Variants in CSMD1 observed in about 807,000 individuals in gnomAD.
CSMD1 encodes CUB and sushi domain-containing protein 1.
In CSMD1, 213 loss-of-function variants were observed where a neutral mutation model predicts 417.5. The ratio of observed to expected loss-of-function variants is 0.51; its 90% CI spans 0.46 to 0.57. The LOEUF (loss-of-function observed/expected upper bound fraction) is 0.57, where lower values mean the gene tolerates loss of function less well. Ranked by LOEUF, CSMD1 falls within the 20% of genes least tolerant of loss-of-function variation. The pLI is 0.00. For missense variants in CSMD1, 6,923 were observed against 4,529.7 expected (o/e 1.53, Z -15.17); for synonymous variants, 2,862 against 1,736.8 (o/e 1.65, Z -16.11).
At chr8:4,087,955 G>C (rs753854002) in intron 3 of CSMD1, among the ~76,000 whole-genome samples, 1 of 152,128 alleles carries the variant, frequency 6.6e-6, no homozygotes, top group Non-Finnish European at 1.5e-5. Flanking sequence ...GCTAAGAACG[G>C]TGGTATCCAA....
chr8:4,904,324 A>G (rs909901175), intron 1 of CSMD1, among the ~76,000 whole-genome samples: 10 of 152,224 alleles, frequency 6.6e-5, no homozygotes, highest in Non-Finnish European at 1.3e-4. Context: ...TCAATAATTT[A>G]TTACATCTAT....
At chr8:4,134,415 A>G (rs1414119354) in intron 3 of CSMD1, among the ~76,000 whole-genome samples, 1 of 152,190 alleles carries the variant, frequency 6.6e-6, no homozygotes, top group Non-Finnish European at 1.5e-5. Flanking sequence ...ACCTTTGAAG[A>G]CAGAGGGAGA....
intron 3 of CSMD1, among the ~76,000 whole-genome samples, chr8:4,366,319 C>T (rs914587953): frequency 6.6e-6 from 1 of 151,942 alleles, no homozygotes; most frequent in African/African-American, 2.4e-5. Flanking sequence ...TTTTCTTTAG[C>T]CAGTTCACCA....
At chr8:3,845,198 G>C (rs1022917341) in intron 5 of CSMD1, among the ~76,000 whole-genome samples, 1 of 152,194 alleles carries the variant, frequency 6.6e-6, no homozygotes, top group Non-Finnish European at 1.5e-5. Context: ...TAGGAAAATA[G>C]TGCAACTATG....
At chr8:4,471,407 C>T (rs1035948553) in intron 2 of CSMD1, among the ~76,000 whole-genome samples, 5 of 152,054 alleles carry the variant, frequency 3.3e-5, no homozygotes, top group South Asian at 2.1e-4. Context: ...GGTTCCTATA[C>T]AGGTAGATTA....
intron 5 of CSMD1, among the ~76,000 whole-genome samples, chr8:3,889,876 A>C (rs924109802): frequency 6.6e-6 from 1 of 152,136 alleles, no homozygotes; most frequent in Admixed American, 6.6e-5. Context: ...GGTCAAAGGC[A>C]CTGAAATATC....
At chr8:3,898,030 C>T (rs1448036037) in intron 5 of CSMD1, among the ~76,000 whole-genome samples, 1 of 152,156 alleles carries the variant, frequency 6.6e-6, no homozygotes, top group Non-Finnish European at 1.5e-5. Flanking sequence ...TTTGACAATG[C>T]TATTCTTACC....
At chr8:4,304,887 C>G (rs1798161221) in intron 3 of CSMD1, among the ~76,000 whole-genome samples, 1 of 152,158 alleles carries the variant, frequency 6.6e-6, no homozygotes, top group Non-Finnish European at 1.5e-5. Context: ...TACTCTTAAT[C>G]TATCAAAATA....
chr8:3,514,809 G>A (rs955416014), intron 10 of CSMD1, among the ~76,000 whole-genome samples: 3 of 152,036 alleles, frequency 2.0e-5, no homozygotes, highest in Admixed American at 1.3e-4. Context: ...CTTACAGTGG[G>A]TACCTATATT....
chr8:3,469,026 T>C, intron 11 of CSMD1: 1 of 424,380 alleles, frequency 2.4e-6, no homozygotes, highest in Non-Finnish European at 4.2e-6. Context: ...GAAATTACTC[T>C]ATTCTATGGC....
intron 8 of CSMD1, among the ~76,000 whole-genome samples, chr8:3,615,165 A>T (rs1305705166): frequency 6.6e-6 from 1 of 152,160 alleles, no homozygotes; most frequent in Admixed American, 6.5e-5. Flanking sequence ...TGCATTGCTA[A>T]TAACTGTTCA....
chr8:2,955,115 T>C (rs570756226), intron 64 of CSMD1, among the ~76,000 whole-genome samples: 1 of 152,318 alleles, frequency 6.6e-6, no homozygotes, highest in Admixed American at 6.5e-5. Context: ...AAAAGCAGAA[T>C]CAATGTCAGG....
At chr8:3,635,007 A>C (rs1263208980) in intron 7 of CSMD1, among the ~76,000 whole-genome samples, 1 of 152,110 alleles carries the variant, frequency 6.6e-6, no homozygotes, top group African/African-American at 2.4e-5. Context: ...TCTAAACCTA[A>C]CTAAACATTG....
chr8:3,749,508 G>A (rs965515337), intron 6 of CSMD1, among the ~76,000 whole-genome samples: 19 of 152,130 alleles, frequency 1.2e-4, no homozygotes, highest in African/African-American at 4.3e-4. Flanking sequence ...TAAAGAATTT[G>A]GAGATGAAAG....
chr8:3,793,766 C>T (rs375585180), intron 5 of CSMD1, among the ~76,000 whole-genome samples: 2 of 152,158 alleles, frequency 1.3e-5, no homozygotes, highest in African/African-American at 4.8e-5. Flanking sequence ...CTGGTAGGAA[C>T]TTGACGACAG....
chr8:3,551,596 A>AT lies in CSMD1; in HGVS notation c.1344+23348dup, dbSNP rs1194152215. ...TAAATATGTATATATATATATATAT[A>AT]TTTTTTTTTTTTTTTTTTCTGAAGA... On this transcript the variant is annotated intron_variant, in intron 10 of 69. Coordinates refer to ENST00000635120, the MANE Select transcript of CSMD1 (RefSeq NM_033225.6). Among the ~76,000 whole-genome samples, 260 of 113,426 alleles carry AT rather than the reference A, an allele frequency of 2.3e-3. 1 individual carries two copies. The highest frequency in any genetic ancestry group is 0.011 in the Middle Eastern group (2 of 184). The allele number at this position is 113,426 out of a possible 152,430, so 74.4% of individuals were successfully genotyped here.
rs66500235 is a variant in CSMD1, at chr8:3,643,700, C to CAAAAAAAAAAAAAAAAAAAAAA, written c.1010-26925_1010-26904dup. 2.8e-4 allele frequency among the ~76,000 whole-genome samples: 24 copies of CAAAAAAAAAAAAAAAAAAAAAA among 85,330 alleles called. 1 individual carries two copies. In the East Asian group the frequency reaches 5.4e-3, roughly 19 times the overall value. The allele number at this position is 85,330 out of a possible 152,430, so 56.0% of individuals were successfully genotyped here. On this transcript the variant is annotated intron_variant, in intron 7 of 69. Coordinates refer to ENST00000635120, the MANE Select transcript of CSMD1 (RefSeq NM_033225.6). ...TGGGCGACAGCGTGAGACTCCGTCT[C>CAAAAAAAAAAAAAAAAAAAAAA]AAAAAAAAAAAAAAAAAAAAAAGGA... is the stretch of plus-strand genomic sequence containing the variant.
At chr8:3,171,334 C>G (rs1585547154) in intron 37 of CSMD1, among the ~76,000 whole-genome samples, 1 of 152,196 alleles carries the variant, frequency 6.6e-6, no homozygotes, top group Non-Finnish European at 1.5e-5. Flanking sequence ...GGACTCCAAG[C>G]AGCCCAGCCT....
chr8:4,800,693 A>C (rs2117280640), intron 1 of CSMD1, among the ~76,000 whole-genome samples: 1 of 152,268 alleles, frequency 6.6e-6, no homozygotes, highest in Admixed American at 6.5e-5. Flanking sequence ...CGTTGGGCTA[A>C]GTTCTGCAGC....
Sources: gnomAD v4.1 joint callset for allele counts (sites outside exome capture counted in the v4.1 genomes callset) on GRCh38, gnomAD v4.1.1 for gene constraint, MANE v1.5 for transcripts, NCBI Gene and HGNC (gene_info 2026-07-23, HGNC 2026-07-21) for gene names.